The following TNKS variants were observed in gnomAD, a reference collection of about 807,000 sequenced individuals.
TNKS encodes the protein tankyrase.
TNKS carries 72 observed loss-of-function variants against 135.8 expected under a neutral mutation model. That is an observed-to-expected ratio of 0.53 (90% CI 0.44 to 0.64). The LOEUF is 0.64. TNKS is among the 30% of genes least tolerant of loss of function. The pLI, the probability that TNKS is intolerant of heterozygous loss-of-function variation, is 0.00. For synonymous variants in TNKS, 849 were observed against 649.3 expected (o/e 1.31, Z -4.68); for missense variants, 1,769 against 1,674.0 (o/e 1.06, Z -0.99).
At chr8:9,718,305 C>G (rs1005119706) in intron 11 of TNKS, among the ~76,000 whole-genome samples, 3 of 152,124 alleles carry the variant, frequency 2.0e-5, no homozygotes, top group Admixed American at 6.6e-5. Context: ...AACACATGTT[C>G]ACAGTTAAAG....
At chr8:9,762,483 T>C (rs1807194628) in intron 21 of TNKS, among the ~76,000 whole-genome samples, 1 of 147,586 alleles carries the variant, frequency 6.8e-6, no homozygotes, top group African/African-American at 2.5e-5. Flanking sequence ...TCTGACTATA[T>C]TGTGATGTCA....
At chr8:9,761,777 T>G in intron 21 of TNKS, 141 bp downstream of exon 21, 1 of 862,018 alleles carries the variant, frequency 1.2e-6, no homozygotes, top group African/African-American at 1.8e-5. Context: ...CCATCTCAGT[T>G]ATTGGCCTCA....
At chr8:9,744,027 A>C (rs540289538) in intron 17 of TNKS, among the ~76,000 whole-genome samples, 1 of 152,154 alleles carries the variant, frequency 6.6e-6, no homozygotes, top group Non-Finnish European at 1.5e-5. Context: ...TTTCCCCTAG[A>C]GAGCTCAATC....
chr8:9,678,335 A>G (rs1235795649), intron 3 of TNKS, among the ~76,000 whole-genome samples: 1 of 152,206 alleles, frequency 6.6e-6, no homozygotes, highest in Non-Finnish European at 1.5e-5. Context: ...ATGTTTAACA[A>G]AGGTAGGTCT....
Position 9,719,040 on chromosome 8 carries a change from T to A in TNKS, c.1750-1334T>A, listed in dbSNP as rs181817425. On this transcript the variant is annotated intron_variant, in intron 11 of 26. Transcript: ENST00000310430. ...TTGTGCTGAAGAAGTAACAAAGAAA[T>A]CAAAATTCAAGTTAGTTTGGTAGCT... 4.8e-4 allele frequency among the ~76,000 whole-genome samples: 73 copies of A among 152,320 alleles called. 1 individual carries two copies. Among genetic ancestry groups the A allele is most frequent in the Admixed American group, 1.0e-3 (16 of 15,310 alleles).
chr8:9,774,943 A>C (rs1808137195), intron 26 of TNKS, among the ~76,000 whole-genome samples: 1 of 152,174 alleles, frequency 6.6e-6, no homozygotes, highest in Non-Finnish European at 1.5e-5. Flanking sequence ...GACACTCAGC[A>C]TATGCCAGCC....
intron 3 of TNKS, among the ~76,000 whole-genome samples, chr8:9,639,016 C>G (rs983518089): frequency 1.2e-4 from 19 of 152,104 alleles, no homozygotes; most frequent in African/African-American, 3.9e-4. Context: ...TCCCTCAAAA[C>G]AAATTATTGT....
intron 2 of TNKS, among the ~76,000 whole-genome samples, chr8:9,610,533 A>G (rs890344751): frequency 1.3e-5 from 2 of 152,092 alleles, no homozygotes; most frequent in Non-Finnish European, 2.9e-5. Flanking sequence ...AATCTTATAC[A>G]TTGAAGGCTG....
At chr8:9,722,022 C>T (rs1287405500) in intron 12 of TNKS, among the ~76,000 whole-genome samples, 2 of 148,796 alleles carry the variant, frequency 1.3e-5, no homozygotes, top group Admixed American at 1.3e-4. Flanking sequence ...CACTGCACTC[C>T]ATCCAGCCTG....
intron 1 of TNKS, among the ~76,000 whole-genome samples, chr8:9,570,550 C>A (rs1049552926): frequency 1.8e-4 from 27 of 152,162 alleles, no homozygotes; most frequent in African/African-American, 6.3e-4. Context: ...GCGGTTAGTA[C>A]AGCATTTTCA....
Position 9,770,101 on chromosome 8 carries a change from C to G in TNKS, c.3741-5C>G, listed in dbSNP as rs778157413. ...TCAAAGCATTGTTTTTTTCTTTTTCCTTAGACAAATGCTCTTCTGTAGAGT... is the reference window on the plus strand; with the variant it reads ...TCAAAGCATTGTTTTTTTCTTTTTCGTTAGACAAATGCTCTTCTGTAGAGT... On this transcript the variant is annotated splice_polypyrimidine_tract_variant and splice_region_variant and intron_variant, in intron 25 of 26. Coordinates refer to ENST00000310430, the MANE Select transcript of TNKS (RefSeq NM_003747.3). The G allele has an allele frequency of 2.8e-5, 45 of 1,583,546 alleles. No individual in the cohort carries two copies. The highest frequency in any genetic ancestry group is 3.6e-5 in the Admixed American group (2 of 55,678).
At chr8:9,746,026 C>T (rs1806217157) in intron 17 of TNKS, among the ~76,000 whole-genome samples, 1 of 152,142 alleles carries the variant, frequency 6.6e-6, no homozygotes, top group Non-Finnish European at 1.5e-5. Flanking sequence ...TTTTCCCATT[C>T]TCATAAATGT....
chr8:9,761,769 A>G (rs1038813409), intron 21 of TNKS, 133 bp downstream of exon 21: 32 of 909,582 alleles, frequency 3.5e-5, no homozygotes, highest in East Asian at 2.5e-4. Flanking sequence ...TCCCTTCCCC[A>G]TCTCAGTTAT....
intron 26 of TNKS, among the ~76,000 whole-genome samples, chr8:9,771,312 AAGAGAGAAGAAAGGAGGGAG>A (rs1323749478): frequency 5.9e-5 from 7 of 117,980 alleles, no homozygotes; most frequent in African/African-American, 2.5e-4. Context: ...GGAAGGAAGG[AAGAGAGAAGAAAGGAGGGAG>A]AGAGAGGAAG....
At chr8:9,669,209 G>C (rs569222311) in intron 3 of TNKS, among the ~76,000 whole-genome samples, 3 of 151,830 alleles carry the variant, frequency 2.0e-5, no homozygotes, top group South Asian at 4.2e-4. Flanking sequence ...ATGAGGTCAG[G>C]AGATCGAGAC....
chr8:9,650,286 G>T (rs886861547), intron 3 of TNKS, among the ~76,000 whole-genome samples: 1 of 152,092 alleles, frequency 6.6e-6, no homozygotes, highest in Non-Finnish European at 1.5e-5. Flanking sequence ...GTAAACATGG[G>T]TGCAAGTATC....
intron 5 of TNKS, among the ~76,000 whole-genome samples, chr8:9,687,574 A>G (rs1191774895): frequency 6.6e-6 from 1 of 152,224 alleles, no homozygotes; most frequent in East Asian, 1.9e-4. Context: ...AATTAGTACC[A>G]ATGCCAAGTG....
At chr8:9,768,575 C>T (rs1454435634) in intron 25 of TNKS, among the ~76,000 whole-genome samples, 1 of 152,222 alleles carries the variant, frequency 6.6e-6, no homozygotes, top group East Asian at 1.9e-4. Flanking sequence ...ACTTGCCCAT[C>T]TGCAGCTGCA....
intron 13 of TNKS, among the ~76,000 whole-genome samples, chr8:9,729,624 A>G (rs559337955): frequency 2.6e-5 from 4 of 152,236 alleles, no homozygotes; most frequent in Middle Eastern, 6.8e-3. Flanking sequence ...ACCCCTTACC[A>G]ACTGTTTGAC....
Sources: gnomAD v4.1 joint callset for allele counts (sites outside exome capture counted in the v4.1 genomes callset) on GRCh38, gnomAD v4.1.1 for gene constraint, MANE v1.5 for transcripts, NCBI Gene and HGNC (gene_info 2026-07-23, HGNC 2026-07-21) for gene names.